The following CA7 variants were observed in gnomAD, a reference collection of about 807,000 sequenced individuals.
The protein encoded by CA7 is carbonate dehydratase VII.
A neutral mutation model predicts 31.4 loss-of-function variants in CA7; 13 were observed. The ratio of observed to expected loss-of-function variants is 0.41; its 90% confidence interval spans 0.27 to 0.66. The LOEUF (loss-of-function observed/expected upper bound fraction) is 0.66. Ranked by LOEUF, CA7 falls within the 30% of genes least tolerant of loss-of-function variation. The probability of loss-of-function intolerance (pLI) is 0.28; values close to 1 mark genes in which losing one functional copy is unlikely to be tolerated. For missense variants in CA7, 215 were observed against 351.0 expected, an observed-to-expected ratio of 0.61 and a Z score of 3.10; for synonymous variants, 128 against 133.2, an observed-to-expected ratio of 0.96 and a Z score of 0.27.
intron 2 of CA7, among the ~76,000 whole-genome samples, chr16:66,847,973 G>C (rs1012992899): frequency 2.6e-5 from 4 of 152,244 alleles, no homozygotes; most frequent in African/African-American, 9.6e-5. Flanking sequence ...CGACTGGGTA[G>C]AGTGGTGGAA....
intron 5 of CA7, among the ~76,000 whole-genome samples, chr16:66,852,185 G>A (rs191672276): frequency 7.8e-4 from 119 of 152,246 alleles, no homozygotes; most frequent in African/African-American, 2.3e-3. Context: ...GGAGAATGCC[G>A]GGCATGGTGG....
At chr16:66,852,643 G>A in intron 5 of CA7, 69 bp from the exon 6 acceptor site, 1 of 1,101,132 alleles carries the variant, frequency 9.1e-7, no homozygotes, top group Non-Finnish European at 1.3e-6. Flanking sequence ...AGAGATGGGT[G>A]GAGAAGTTGC....
At position 66,851,565 on chromosome 16, in the gene CA7, G is replaced by A. The variant is rs746494062; in HGVS notation, c.453+7G>A. 1.2e-6 allele frequency: 2 copies of A among 1,614,098 alleles called. No homozygotes were observed. Among genetic ancestry groups the A allele is most frequent in the South Asian group, 1.1e-5 (1 of 91,078 alleles). ...GGTTGGTGTTTTTTTGGAGGTGAGT[G>A]GTGGTTTGCTGGGGCCTGGAGGGGC... On this transcript the variant is annotated splice_region_variant and intron_variant, in intron 4 of 6. Coordinates refer to ENST00000338437, the MANE Select transcript of CA7 (RefSeq NM_005182.3).
intron 1 of CA7, chr16:66,845,277 T>G: frequency 1.0e-6 from 1 of 955,942 alleles, no homozygotes. Flanking sequence ...GGCAGTCAAT[T>G]CCCTTTGGGG....
Position 66,852,753 on chromosome 16 carries a change from C to A in CA7, c.558C>A (p.Leu186=). Residue 186 remains leucine (L), a synonymous_variant, in exon 6 of 7, where the codon CTC becomes CTA. Coordinates refer to ENST00000338437, the MANE Select transcript of CA7 (RefSeq NM_005182.3). ...AQFSCFNPKC[L]LPASRHYWTY... is the part of the protein sequence containing the mutation. ...TCAGCTGCTTCAACCCCAAGTGCCT[C>A]CTGCCTGCCAGCCGGCACTACTGGA... is the stretch of plus-strand genomic sequence containing the variant. 1 of 1,614,034 alleles carries A rather than the reference C, an allele frequency of 6.2e-7. No individual in the cohort carries two copies. Among genetic ancestry groups the A allele is most frequent in the South Asian group, 1.1e-5 (1 of 91,068 alleles).
At chr16:66,851,371 G>C in intron 3 of CA7, 92 bp from the exon 4 acceptor site, 1 of 1,049,126 alleles carries the variant, frequency 9.5e-7, no homozygotes, top group Non-Finnish European at 1.5e-6. Context: ...CCTGCAAAGA[G>C]GCCAGGGGTC....
At position 66,853,810 on chromosome 16, in the gene CA7, C is replaced by T. The variant is rs937635092; in HGVS notation, c.*312C>T. 4.1e-5 allele frequency: 14 copies of T among 339,126 alleles called. No homozygotes were observed. Among genetic ancestry groups the T allele is most frequent in the Admixed American group, 4.1e-4 (10 of 24,504 alleles). 21.0% of individuals were successfully genotyped at this position (339,126 alleles called of 1,614,324 possible). A position where few individuals can be genotyped will look rare whatever the true frequency, so the allele number is the denominator to read the frequency against. On this transcript the variant is annotated 3_prime_UTR_variant, in exon 7 of 7. Coordinates refer to ENST00000338437, the MANE Select transcript of CA7 (RefSeq NM_005182.3). The surrounding 1 kb of genome is among the most constrained non-coding windows in gnomAD (Gnocchi z 4.5). ...ACTGGCAGTGGCAGCAGCCCCACCC[C>T]GAGCGCACACTGTGATGGAGGAGAC...
intron 2 of CA7, among the ~76,000 whole-genome samples, chr16:66,847,898 A>G (rs551804411): frequency 1.3e-5 from 2 of 152,298 alleles, no homozygotes; most frequent in South Asian, 2.1e-4. Context: ...AGATTCTTTC[A>G]TGATAAATTC....
chr16:66,846,633 A>AAACACC lies in CA7; in HGVS notation c.41-388_41-383dup, dbSNP rs141223717. On this transcript the variant is annotated intron_variant, in intron 1 of 6. Coordinates refer to ENST00000338437, the MANE Select transcript of CA7 (RefSeq NM_005182.3). ...GTGAGTTTTTGTTGTTATTTATCACAAACACCAACACCAAATTGCCCAAGG... is the reference window on the plus strand; with the variant it reads ...GTGAGTTTTTGTTGTTATTTATCACAAACACCAACACCAACACCAAATTGCCCAAGG... Among the ~76,000 whole-genome samples the AAACACC allele has an allele frequency of 2.1e-4, 32 of 152,294 alleles. 1 individual carries two copies. In the East Asian group the frequency reaches 4.8e-3, roughly 23 times the overall value.
intron 2 of CA7, among the ~76,000 whole-genome samples, chr16:66,848,026 G>A (rs1313311205): frequency 6.6e-6 from 1 of 152,166 alleles, no homozygotes; most frequent in African/African-American, 2.4e-5. Context: ...GTGTAAGGAA[G>A]TATTAATAAC....
intron 2 of CA7, among the ~76,000 whole-genome samples, chr16:66,847,468 A>C (rs549245218): frequency 3.3e-5 from 5 of 152,232 alleles, no homozygotes; most frequent in Non-Finnish European, 7.3e-5. Flanking sequence ...GATCTGGCAC[A>C]CAGCAGATGC....
chr16:66,848,589 T>C (rs1315640141), intron 2 of CA7, among the ~76,000 whole-genome samples: 2 of 151,420 alleles, frequency 1.3e-5, no homozygotes, highest in Non-Finnish European at 3.0e-5. Context: ...AGGAAGCCAG[T>C]GAAAAGAGGA....
chr16:66,850,844 G>T (rs1357776861), intron 3 of CA7, among the ~76,000 whole-genome samples, 185 bp downstream of exon 3: 1 of 152,148 alleles, frequency 6.6e-6, no homozygotes, highest in Admixed American at 6.5e-5. Context: ...CCTGTCCACT[G>T]CTATCCTTCC....
intron 2 of CA7, among the ~76,000 whole-genome samples, chr16:66,849,296 A>G (rs532032519): frequency 6.6e-6 from 1 of 152,262 alleles, no homozygotes; most frequent in South Asian, 2.1e-4. Flanking sequence ...CACTGGAGGC[A>G]CCTGGGCCTG....
intron 2 of CA7, among the ~76,000 whole-genome samples, chr16:66,849,312 G>C (rs542830312): frequency 1.6e-3 from 249 of 152,302 alleles, no homozygotes; most frequent in Non-Finnish European, 2.4e-3. Flanking sequence ...GCCTGTCCAG[G>C]AAGGTAGAGA....
At chr16:66,844,677 T>C in intron 1 of CA7, 150 bp downstream of exon 1, 1 of 703,018 alleles carries the variant, frequency 1.4e-6, no homozygotes, top group East Asian at 3.4e-5. Flanking sequence ...GCCCCCGAAC[T>C]TGGCCCAAGC....
chr16:66,852,613 A>G, intron 5 of CA7, 99 bp from the exon 6 acceptor site: 1 of 818,714 alleles, frequency 1.2e-6, no homozygotes, highest in Non-Finnish European at 1.7e-6. Context: ...AAAAGAAAAA[A>G]GAAAAGAAAA....
intron 1 of CA7, among the ~76,000 whole-genome samples, chr16:66,846,308 CTGTG>C (rs373431023): frequency 6.6e-6 from 1 of 151,978 alleles, no homozygotes; most frequent in Admixed American, 6.6e-5. Context: ...GTCTGCAGGG[CTGTG>C]TGTGTGTTTG....
In CA7 at chr16:66,853,630, G is replaced by A; in HGVS notation, c.*132G>A. ...CCTCCTTCAGCCAGTTTGCTCCTTG[G>A]TCACCCTGGAGGCTTCTGGATGGGA... On this transcript the variant is annotated 3_prime_UTR_variant, in exon 7 of 7. Transcript: ENST00000338437. The surrounding 1 kb of genome is among the most constrained non-coding windows in gnomAD (Gnocchi z 4.5). The A allele has an allele frequency of 7.9e-7, 1 of 1,266,998 alleles. No homozygotes were observed. Among genetic ancestry groups the A allele is most frequent in the Non-Finnish European group, 1.1e-6 (1 of 920,806 alleles). The allele number at this position is 1,266,998 out of a possible 1,614,324, so 78.5% of individuals were successfully genotyped here.
Sources: allele counts gnomAD v4.1 joint callset (sites outside exome capture counted in the v4.1 genomes callset), GRCh38; gene constraint gnomAD v4.1.1; non-coding constraint Gnocchi (gnomAD v3.1); transcripts MANE v1.5; gene names NCBI Gene and HGNC (gene_info 2026-07-23, HGNC 2026-07-21).